The following PTPN14 variants were observed in gnomAD, a reference collection of about 807,000 sequenced individuals.
PTPN14 encodes tyrosine-protein phosphatase non-receptor type 14.
A neutral mutation model predicts 126.8 loss-of-function variants in PTPN14; 53 were observed. The observed-to-expected ratio is 0.42, with a 90% CI of 0.34 to 0.53. The LOEUF (loss-of-function observed/expected upper bound fraction) is 0.53, where lower values mean the gene tolerates loss of function less well. PTPN14 is among the 20% of genes least tolerant of loss of function. The probability of loss-of-function intolerance (pLI) is 0.08; values close to 1 mark genes in which losing one functional copy is unlikely to be tolerated. For missense variants in PTPN14, 1,257 were observed against 1,552.9 expected (o/e 0.81, Z 3.20); for synonymous variants, 630 against 599.3 (o/e 1.05, Z -0.75).
intron 1 of PTPN14, among the ~76,000 whole-genome samples, chr1:214,478,601 A>G (rs1438167043): frequency 2.0e-5 from 3 of 152,220 alleles, no homozygotes; most frequent in Admixed American, 6.5e-5. Context: ...CCTAAATACT[A>G]TATGTAAGAA....
chr1:214,533,902 G>A (rs1354261832), intron 1 of PTPN14, among the ~76,000 whole-genome samples: 1 of 151,580 alleles, frequency 6.6e-6, no homozygotes, highest in African/African-American at 2.4e-5. Flanking sequence ...AGAAAAATAT[G>A]GGGCCAAGAA....
At chr1:214,405,599 T>C (rs1465967598) in intron 5 of PTPN14, among the ~76,000 whole-genome samples, 2 of 141,002 alleles carry the variant, frequency 1.4e-5, no homozygotes, top group Admixed American at 7.2e-5. Context: ...TCTGCTCACA[T>C]AACAAAATCC....
chr1:214,469,500 G>A (rs1166749513), intron 1 of PTPN14, among the ~76,000 whole-genome samples: 1 of 151,952 alleles, frequency 6.6e-6, no homozygotes, highest in African/African-American at 2.4e-5. Flanking sequence ...GGCTCTCTGG[G>A]GCCCCATCAT....
chr1:214,398,770 A>AT (rs764650891), intron 7 of PTPN14, among the ~76,000 whole-genome samples: 2,546 of 140,808 alleles, frequency 0.018, 70 homozygotes, highest in African/African-American at 0.058. Flanking sequence ...AAAAGAGTAA[A>AT]TTTTTTTTTT....
chr1:214,395,314 A>G (rs1658852226), intron 8 of PTPN14, among the ~76,000 whole-genome samples: 1 of 152,054 alleles, frequency 6.6e-6, no homozygotes, highest in African/African-American at 2.4e-5. Context: ...ATTTCCCATG[A>G]CCACCACTTT....
chr1:214,433,951 C>CACA (rs1558100318), intron 3 of PTPN14, among the ~76,000 whole-genome samples: 1 of 98,530 alleles, frequency 1.0e-5, no homozygotes, highest in African/African-American at 4.6e-5. Context: ...CACACACACA[C>CACA]AAAAAAAAAA....
intron 8 of PTPN14, among the ~76,000 whole-genome samples, chr1:214,395,506 T>C (rs1418154199): frequency 6.6e-6 from 1 of 151,946 alleles, no homozygotes; most frequent in Non-Finnish European, 1.5e-5. Context: ...TTTTTGACTT[T>C]GGACTTAGTG....
chr1:214,491,390 C>A (rs1382462329), intron 1 of PTPN14, among the ~76,000 whole-genome samples: 1 of 152,158 alleles, frequency 6.6e-6, no homozygotes, highest in Non-Finnish European at 1.5e-5. Context: ...GGTCCCCAAC[C>A]TTTTTGACAC....
intron 3 of PTPN14, among the ~76,000 whole-genome samples, chr1:214,450,661 G>T (rs1660254307): frequency 6.6e-6 from 1 of 152,082 alleles, no homozygotes; most frequent in African/African-American, 2.4e-5. Context: ...CATTCAGAAT[G>T]ACAAGGTCCG....
intron 11 of PTPN14, among the ~76,000 whole-genome samples, chr1:214,388,980 A>C (rs1437346442): frequency 2.0e-5 from 3 of 152,248 alleles, no homozygotes; most frequent in African/African-American, 7.2e-5. Context: ...TGAAGAACTG[A>C]AATCAATCTA....
chr1:214,399,020 G>C (rs1360343201), intron 7 of PTPN14, among the ~76,000 whole-genome samples: 1 of 152,060 alleles, frequency 6.6e-6, no homozygotes, highest in East Asian at 1.9e-4. Flanking sequence ...ACCCGCCTCG[G>C]ACTCCCAAAG....
intron 1 of PTPN14, among the ~76,000 whole-genome samples, chr1:214,545,228 CAG>C (rs1242705228): frequency 1.3e-5 from 2 of 152,166 alleles, no homozygotes; most frequent in African/African-American, 4.8e-5. Context: ...GCTGCTATAA[CAG>C]AATATCACAG....
rs188149792 is a variant in PTPN14 at position 214,372,343 on chromosome 1, A to G, written c.3036+368T>C. On this transcript the variant is annotated intron_variant, in intron 16 of 18. Coordinates refer to ENST00000366956, the MANE Select transcript of PTPN14 (RefSeq NM_005401.5). ...ATGTCGATTTGCCCAGAGCAGCCTGAGACTCCCAAATTCCAGTGGAAAGAT... is the reference window on the plus strand; with the variant it reads ...ATGTCGATTTGCCCAGAGCAGCCTGGGACTCCCAAATTCCAGTGGAAAGAT... The G allele has an allele frequency of 4.3e-3, 1,263 of 292,164 alleles. 11 individuals carry two copies. Among genetic ancestry groups the G allele is most frequent in the Non-Finnish European group, 6.1e-3 (923 of 151,396 alleles). The allele number at this position is 292,164 out of a possible 1,614,324, so 18.1% of individuals were successfully genotyped here.
chr1:214,457,029 C>A (rs1660399212), intron 2 of PTPN14, among the ~76,000 whole-genome samples: 1 of 152,154 alleles, frequency 6.6e-6, no homozygotes, highest in African/African-American at 2.4e-5. Context: ...ATTGAGTACC[C>A]CCCAAATCCC....
At chr1:214,483,201 G>C (rs1661037994) in intron 1 of PTPN14, 2 of 1,609,512 alleles carry the variant, frequency 1.2e-6, no homozygotes, top group South Asian at 2.2e-5. Context: ...CTATAAATCA[G>C]TTTGTTGTCA....
chr1:214,479,400 C>T (rs151183823), intron 1 of PTPN14, among the ~76,000 whole-genome samples: 2,435 of 148,596 alleles, frequency 0.016, 52 homozygotes, highest in African/African-American at 0.057. Context: ...AGTGCAATGG[C>T]GTGATCTTGG....
intron 1 of PTPN14, among the ~76,000 whole-genome samples, chr1:214,542,615 G>T (rs541550835): frequency 2.0e-5 from 3 of 152,328 alleles, no homozygotes; most frequent in South Asian, 4.1e-4. Flanking sequence ...CTGACCCAGA[G>T]AGAGATTAGG....
chr1:214,376,450 T>C lies in PTPN14; in HGVS notation c.2689-13A>G. ...TCAGGGTTCTGAACTGCAACAGAAA[T>C]TGATCTTCAGCTCTCTAAATTATCT... On this transcript the variant is annotated splice_polypyrimidine_tract_variant and intron_variant, in intron 14 of 18. Transcript: ENST00000366956. 1 of 1,594,148 alleles carries C rather than the reference T, an allele frequency of 6.3e-7. No individual in the cohort carries two copies. The highest frequency in any genetic ancestry group is 2.2e-5 in the East Asian group (1 of 44,762).
chr1:214,536,974 G>A (rs1033230404), intron 1 of PTPN14, among the ~76,000 whole-genome samples: 11 of 152,116 alleles, frequency 7.2e-5, no homozygotes, highest in Non-Finnish European at 1.6e-4. Context: ...GGTACACTGA[G>A]AGAAAAAATG....
Sources: gnomAD v4.1 joint callset for allele counts (sites outside exome capture counted in the v4.1 genomes callset) on GRCh38, gnomAD v4.1.1 for gene constraint, MANE v1.5 for transcripts, NCBI Gene and HGNC (gene_info 2026-07-23, HGNC 2026-07-21) for gene names.